Variants in DNER observed in about 807,000 individuals in gnomAD.
DNER encodes the protein delta and Notch-like epidermal growth factor-related receptor.
In DNER, 33 loss-of-function variants were observed where a neutral mutation model predicts 78.2. That is an observed-to-expected ratio of 0.42 (90% CI 0.32 to 0.56). The LOEUF is 0.56. Among genes scored for constraint, DNER ranks in the 20% least tolerant of loss-of-function variants. DNER has a pLI of 0.11. For synonymous variants in DNER, 417 were observed against 384.8 expected (o/e 1.08, Z -0.98); for missense variants, 918 against 975.3 (o/e 0.94, Z 0.78).
intron 1 of DNER, chr2:229,606,103 C>T (rs998780069): frequency 2.6e-5 from 4 of 152,136 alleles, no homozygotes; most frequent in Middle Eastern, 3.2e-3. Context: ...AAGGGGGATC[C>T]TCAAGTTTCA....
chr2:229,436,760 C>T (rs1027398377), intron 8 of DNER, among the ~76,000 whole-genome samples: 1 of 152,180 alleles, frequency 6.6e-6, no homozygotes, highest in African/African-American at 2.4e-5. Context: ...GGGAATTTGT[C>T]ACCACCAGAC....
intron 5 of DNER, among the ~76,000 whole-genome samples, chr2:229,529,005 C>A (rs556604672): frequency 1.3e-5 from 2 of 152,102 alleles, no homozygotes; most frequent in African/African-American, 4.8e-5. Context: ...GCTAATGTCA[C>A]GGAGTATATG....
intron 11 of DNER, among the ~76,000 whole-genome samples, chr2:229,386,410 G>A (rs964465263): frequency 6.6e-6 from 1 of 152,028 alleles, no homozygotes; most frequent in Admixed American, 6.6e-5. Context: ...CATAGGCATG[G>A]GCAAAGACTT....
intron 5 of DNER, among the ~76,000 whole-genome samples, chr2:229,519,784 C>T (rs1164476726): frequency 1.3e-5 from 2 of 152,072 alleles, no homozygotes; most frequent in Non-Finnish European, 2.9e-5. Flanking sequence ...TCTCAAATAA[C>T]CCCGGCAATG....
chr2:229,511,498 G>A lies in DNER; in HGVS notation c.1147+1285C>T, dbSNP rs138857169. 7.9e-4 allele frequency among the ~76,000 whole-genome samples: 121 copies of A among 152,294 alleles called. 1 individual carries two copies. Among genetic ancestry groups the A allele is most frequent in the Non-Finnish European group, 1.3e-3 (87 of 68,032 alleles). On this transcript the variant is annotated intron_variant, in intron 6 of 12. Coordinates refer to ENST00000341772, the MANE Select transcript of DNER (RefSeq NM_139072.4). ...CTAGAGGCCCTCAATGTGCTCTGAG[G>A]ATTTCCAAGTCTCATGTAACACCCA...
intron 1 of DNER, among the ~76,000 whole-genome samples, chr2:229,645,778 T>G (rs1698707578): frequency 6.6e-6 from 1 of 152,228 alleles, no homozygotes; most frequent in Non-Finnish European, 1.5e-5. Context: ...TGCCAAGTCC[T>G]GTGCAAGGCA....
At chr2:229,513,039 C>T (rs1336274414) in intron 5 of DNER, 103 bp from the exon 6 acceptor site, 1 of 1,286,814 alleles carries the variant, frequency 7.8e-7, no homozygotes, top group East Asian at 2.5e-5. Flanking sequence ...TTTTTATAAT[C>T]AGCAATTTAA....
chr2:229,654,234 G>A (rs190171680), intron 1 of DNER, among the ~76,000 whole-genome samples: 342 of 152,058 alleles, frequency 2.2e-3, no homozygotes, highest in Non-Finnish European at 3.7e-3. Flanking sequence ...CTGTCCTTGC[G>A]ATAGTTTGCT....
chr2:229,359,180 GT>G (rs1334639985), intron 12 of DNER, among the ~76,000 whole-genome samples: 4 of 152,284 alleles, frequency 2.6e-5, no homozygotes, highest in African/African-American at 9.6e-5. Flanking sequence ...ATACAGAGGT[GT>G]CTGTCCACAA....
chr2:229,395,153 T>C (rs1693106812), intron 10 of DNER, among the ~76,000 whole-genome samples: 1 of 152,188 alleles, frequency 6.6e-6, no homozygotes, highest in Non-Finnish European at 1.5e-5. Flanking sequence ...TGCCAGAGAT[T>C]ACTTTGTACC....
chr2:229,579,731 T>G (rs1227951892), intron 4 of DNER, among the ~76,000 whole-genome samples: 1 of 152,098 alleles, frequency 6.6e-6, no homozygotes, highest in Non-Finnish European at 1.5e-5. Context: ...ATTAGGAACT[T>G]TTGCCTAAGA....
intron 2 of DNER, among the ~76,000 whole-genome samples, chr2:229,589,096 A>C (rs939087927): frequency 1.3e-5 from 2 of 152,238 alleles, no homozygotes; most frequent in Non-Finnish European, 2.9e-5. Context: ...AAGGAGATCA[A>C]TTGGTGGGGG....
chr2:229,366,918 A>G lies in DNER; in HGVS notation c.2057T>C (p.Ile686Thr). ...AATGGCATTGCTGAACTCGCTGTCG[A>G]TGCTGCGGCAGTTGTAGAACTCCTC... ...AYEEFYNCRSIDSEFSNAIAS... is the reference protein window; with the variant it reads ...AYEEFYNCRSTDSEFSNAIAS... Residue 686 changes from isoleucine (I) to threonine (T), a missense_variant, in exon 12 of 13, where the codon ATC becomes ACC. Coordinates refer to ENST00000341772, the MANE Select transcript of DNER (RefSeq NM_139072.4). The G allele has an allele frequency of 6.2e-7, 1 of 1,614,180 alleles. No homozygotes were observed. Among genetic ancestry groups the G allele is most frequent in the Non-Finnish European group, 8.5e-7 (1 of 1,180,038 alleles).
chr2:229,481,233 A>G (rs1265594738), intron 6 of DNER, among the ~76,000 whole-genome samples: 1 of 152,222 alleles, frequency 6.6e-6, no homozygotes, highest in Non-Finnish European at 1.5e-5. Flanking sequence ...AGACCTGACA[A>G]TCATTCACAC....
chr2:229,412,686 C>G (rs377219546), intron 9 of DNER, among the ~76,000 whole-genome samples: 1 of 152,104 alleles, frequency 6.6e-6, no homozygotes, highest in Non-Finnish European at 1.5e-5. Context: ...TGGAGACCCA[C>G]GTCATTCATG....
chr2:229,529,947 T>C (rs566862466), intron 5 of DNER, among the ~76,000 whole-genome samples: 1 of 152,110 alleles, frequency 6.6e-6, no homozygotes, highest in Admixed American at 6.5e-5. Flanking sequence ...AGGTCAGGGC[T>C]GCAGTAATCA....
chr2:229,537,739 TTTTC>T (rs1238818183), intron 5 of DNER, among the ~76,000 whole-genome samples: 1 of 151,954 alleles, frequency 6.6e-6, no homozygotes, highest in Non-Finnish European at 1.5e-5. Flanking sequence ...GTCATTTTAT[TTTTC>T]TTTTTTTCTT....
chr2:229,631,280 T>A (rs547980233), intron 1 of DNER, among the ~76,000 whole-genome samples: 1 of 152,312 alleles, frequency 6.6e-6, no homozygotes, highest in Admixed American at 6.5e-5. Flanking sequence ...CCAGCTAACT[T>A]ACGCATGGGG....
chr2:229,624,360 AG>A (rs1300704418), intron 1 of DNER, among the ~76,000 whole-genome samples: 2 of 152,228 alleles, frequency 1.3e-5, no homozygotes, highest in African/African-American at 2.4e-5. Flanking sequence ...ATTAACAGAC[AG>A]GAAATATTCT....
Sources: allele counts gnomAD v4.1 joint callset (sites outside exome capture counted in the v4.1 genomes callset), GRCh38; gene constraint gnomAD v4.1.1; transcripts MANE v1.5; gene names NCBI Gene and HGNC (gene_info 2026-07-23, HGNC 2026-07-21).